TSPAN5: variants seen among roughly 807,000 people sequenced by gnomAD.
TSPAN5 encodes the protein tetraspanin-5.
TSPAN5 carries 10 observed loss-of-function variants against 37.1 expected under a neutral mutation model. The observed-to-expected ratio is 0.27, with a 90% CI of 0.17 to 0.46. The LOEUF (loss-of-function observed/expected upper bound fraction) is 0.46, where lower values mean the gene tolerates loss of function less well. Among genes scored for constraint, TSPAN5 ranks in the 20% least tolerant of loss-of-function variants. The pLI is 1.00. For synonymous variants in TSPAN5, 110 were observed against 118.9 expected, an observed-to-expected ratio of 0.93 and a Z score of 0.48; for missense variants, 195 against 326.6, an observed-to-expected ratio of 0.60 and a Z score of 3.11.
At position 98,647,056 on chromosome 4, in the gene TSPAN5, C is replaced by G. The variant is rs1457603794; in HGVS notation, c.81+11090G>C. On this transcript the variant is annotated intron_variant, in intron 1 of 7. Coordinates refer to ENST00000305798, the MANE Select transcript of TSPAN5 (RefSeq NM_005723.4). ...CTTGGGAACATAGCTGGGTAAAAAT[C>G]CAGACACACTCAAAGTCTAAACTCC... 2.0e-5 allele frequency among the ~76,000 whole-genome samples: 3 copies of G among 152,152 alleles called. No homozygotes were observed. The East Asian group carries it at 5.8e-4, about 29-fold the overall frequency.
At chr4:98,472,612 G>C in intron 7 of TSPAN5, 25 bp from the exon 8 acceptor site, 1 of 1,597,898 alleles carries the variant, frequency 6.3e-7, no homozygotes, top group South Asian at 1.1e-5. Context: ...AAATGTGAGT[G>C]AAACAGTGAC....
chr4:98,646,633 T>G (rs1435818106), intron 1 of TSPAN5, among the ~76,000 whole-genome samples: 3 of 152,210 alleles, frequency 2.0e-5, no homozygotes, highest in African/African-American at 7.2e-5. Context: ...TGGTCTGGTA[T>G]CCACGATAAG....
chr4:98,552,714 A>G (rs1754652166), intron 1 of TSPAN5, among the ~76,000 whole-genome samples: 1 of 152,222 alleles, frequency 6.6e-6, no homozygotes, highest in Non-Finnish European at 1.5e-5. Flanking sequence ...TATTAAACTC[A>G]TGGGAAAGAC....
chr4:98,564,352 T>G (rs1487198890), intron 1 of TSPAN5, among the ~76,000 whole-genome samples: 1 of 152,228 alleles, frequency 6.6e-6, no homozygotes, highest in Non-Finnish European at 1.5e-5. Context: ...AAGAATCACA[T>G]GAATAACAAC....
chr4:98,583,929 A>G (rs1473321354), intron 1 of TSPAN5, among the ~76,000 whole-genome samples: 1 of 152,210 alleles, frequency 6.6e-6, no homozygotes, highest in African/African-American at 2.4e-5. Flanking sequence ...TTTTTCACAC[A>G]AATACAGAGA....
At chr4:98,521,086 C>T (rs1578963793) in intron 1 of TSPAN5, among the ~76,000 whole-genome samples, 1 of 152,206 alleles carries the variant, frequency 6.6e-6, no homozygotes, top group Non-Finnish European at 1.5e-5. Flanking sequence ...TGCGTGCCAC[C>T]ACGCCTGGCT....
intron 1 of TSPAN5, among the ~76,000 whole-genome samples, chr4:98,636,071 T>C (rs1485562606): frequency 6.6e-6 from 1 of 152,214 alleles, no homozygotes; most frequent in East Asian, 1.9e-4. Context: ...AATCTTATTG[T>C]AAAGGTAGAC....
intron 1 of TSPAN5, among the ~76,000 whole-genome samples, chr4:98,618,090 C>G (rs1397196707): frequency 6.6e-6 from 1 of 152,226 alleles, no homozygotes; most frequent in Non-Finnish European, 1.5e-5. Context: ...GGAAGAACCA[C>G]TGTTTTAAAT....
intron 1 of TSPAN5, among the ~76,000 whole-genome samples, chr4:98,595,632 G>T (rs1404391733): frequency 3.0e-5 from 4 of 133,612 alleles, no homozygotes; most frequent in Non-Finnish European, 6.2e-5. Flanking sequence ...TCTGGTATGT[G>T]GTGTCTTTGC....
chr4:98,518,078 T>C (rs906742342), intron 1 of TSPAN5, among the ~76,000 whole-genome samples: 7 of 151,792 alleles, frequency 4.6e-5, no homozygotes, highest in African/African-American at 1.5e-4. Flanking sequence ...ACTGTTTTTA[T>C]GTTGAAACAT....
intron 2 of TSPAN5, among the ~76,000 whole-genome samples, chr4:98,490,648 C>T (rs2110268662): frequency 6.6e-6 from 1 of 152,302 alleles, no homozygotes; most frequent in Middle Eastern, 3.4e-3. Flanking sequence ...AGAATATACC[C>T]ACGTAGTTAT....
chr4:98,646,853 A>C (rs1757079803), intron 1 of TSPAN5, among the ~76,000 whole-genome samples: 1 of 152,204 alleles, frequency 6.6e-6, no homozygotes, highest in Non-Finnish European at 1.5e-5. Flanking sequence ...AATAATTGCT[A>C]ATACCTATTG....
At chr4:98,606,582 G>C (rs1276185950) in intron 1 of TSPAN5, among the ~76,000 whole-genome samples, 1 of 152,290 alleles carries the variant, frequency 6.6e-6, no homozygotes. Flanking sequence ...ATACTTTGAA[G>C]TATTTATGTA....
chr4:98,503,713 C>T (rs994527427), intron 2 of TSPAN5, among the ~76,000 whole-genome samples: 2 of 152,206 alleles, frequency 1.3e-5, no homozygotes, highest in Non-Finnish European at 2.9e-5. Flanking sequence ...CACACCCTTC[C>T]TACAACTGGA....
intron 1 of TSPAN5, among the ~76,000 whole-genome samples, chr4:98,606,813 A>G (rs17027851): frequency 0.12 from 17,668 of 152,232 alleles, 1,538 homozygotes; most frequent in African/African-American, 0.21. Flanking sequence ...GGTTCTATAA[A>G]GGCTTTACGG....
At chr4:98,515,871 C>G (rs899101950) in intron 1 of TSPAN5, among the ~76,000 whole-genome samples, 1 of 152,160 alleles carries the variant, frequency 6.6e-6, no homozygotes, top group Non-Finnish European at 1.5e-5. Flanking sequence ...TCTTAGCAAC[C>G]TAGTTCATGA....
At chr4:98,474,355 A>T (rs1338388408) in intron 7 of TSPAN5, among the ~76,000 whole-genome samples, 1 of 151,950 alleles carries the variant, frequency 6.6e-6, no homozygotes, top group African/African-American at 2.4e-5. Context: ...GTACGAGCTT[A>T]TTTCATCTTC....
At chr4:98,620,856 G>C (rs535133795) in intron 1 of TSPAN5, among the ~76,000 whole-genome samples, 1 of 152,154 alleles carries the variant, frequency 6.6e-6, no homozygotes, top group Admixed American at 6.5e-5. Context: ...AGTCCCTGGA[G>C]GGGTTGTCTA....
chr4:98,658,015 G>A, intron 1 of TSPAN5, 131 bp downstream of exon 1: 1 of 803,572 alleles, frequency 1.2e-6, no homozygotes, highest in South Asian at 1.4e-5. Flanking sequence ...AAGGCGGAAG[G>A]CGAATGCCTC....
Sources: allele counts gnomAD v4.1 joint callset (sites outside exome capture counted in the v4.1 genomes callset), GRCh38; gene constraint gnomAD v4.1.1; transcripts MANE v1.5; gene names NCBI Gene and HGNC (gene_info 2026-07-23, HGNC 2026-07-21).